CBX3: variants seen among roughly 807,000 people sequenced by gnomAD.
CBX3 encodes chromobox 3.
CBX3 carries 5 observed loss-of-function variants against 22.6 expected under a neutral mutation model. The ratio of observed to expected loss-of-function variants is 0.22; its 90% confidence interval spans 0.12 to 0.47. The LOEUF (loss-of-function observed/expected upper bound fraction) is 0.47. Among genes scored for constraint, CBX3 ranks in the 20% least tolerant of loss-of-function variants. The pLI, the probability that CBX3 is intolerant of heterozygous loss-of-function variation, is 0.99. For missense variants in CBX3, 83 were observed against 208.1 expected (o/e 0.40, Z 3.70); for synonymous variants, 50 against 66.6 (o/e 0.75, Z 1.21).
chr7:26,211,894 T>A, intron 5 of CBX3, 138 bp downstream of exon 5: 1 of 866,572 alleles, frequency 1.2e-6, no homozygotes, highest in Non-Finnish European at 1.7e-6. Context: ...AGTAGTGTTT[T>A]AAAGCAAGGG....
In CBX3 at chr7:26,213,068, A is replaced by C. The variant is rs1187648416; in HGVS notation, c.*860A>C. ...GGTCATGATGAATGGAATATGTAAG[A>C]CTTGGCTCATAGAAACCTAATCAGA... On this transcript the variant is annotated 3_prime_UTR_variant, in exon 6 of 6. Transcript: ENST00000396386. 6.6e-6 allele frequency: 1 copy of C among 152,358 alleles called. No individual in the cohort carries two copies. The highest frequency in any genetic ancestry group is 1.5e-5 in the Non-Finnish European group (1 of 68,062). The allele number at this position is 152,358 out of a possible 1,614,324, so 9.4% of individuals were successfully genotyped here.
At chr7:26,209,191 A>T (rs1784750657) in intron 4 of CBX3, among the ~76,000 whole-genome samples, 1 of 151,972 alleles carries the variant, frequency 6.6e-6, no homozygotes, top group Non-Finnish European at 1.5e-5. Context: ...ACAGGCGTGA[A>T]CCACCACACC....
Position 26,212,064 on chromosome 7 carries a change from T to C in CBX3, c.426-18T>C. 7.1e-7 allele frequency: 1 copy of C among 1,410,964 alleles called. No individual in the cohort carries two copies. The allele number at this position is 1,410,964 out of a possible 1,614,324, so 87.4% of individuals were successfully genotyped here. On this transcript the variant is annotated intron_variant, in intron 5 of 5. Transcript: ENST00000396386. ...ACAACTTCGACTTGTAACTGAATTT[T>C]TCTTTTTCTTAAAACAGGAAAGATT...
chr7:26,203,865 C>T (rs1319555955), intron 2 of CBX3, among the ~76,000 whole-genome samples: 1 of 152,124 alleles, frequency 6.6e-6, no homozygotes, highest in Non-Finnish European at 1.5e-5. Flanking sequence ...TTAGATTCTG[C>T]ATTAAGTCTG....
chr7:26,202,789 G>T (rs1584033376), intron 1 of CBX3, 182 bp from the exon 2 acceptor site: 1 of 589,372 alleles, frequency 1.7e-6, no homozygotes, highest in South Asian at 2.1e-5. Context: ...GACTCACATG[G>T]TTAGGACACG....
chr7:26,211,781 T>G, intron 5 of CBX3, 25 bp downstream of exon 5: 1 of 1,506,038 alleles, frequency 6.6e-7, no homozygotes, highest in Non-Finnish European at 9.0e-7. Context: ...ATTGTTACAT[T>G]TGAAAGTAAG....
At chr7:26,204,985 C>T (rs1198986368) in intron 2 of CBX3, among the ~76,000 whole-genome samples, 1 of 152,088 alleles carries the variant, frequency 6.6e-6, no homozygotes, top group Non-Finnish European at 1.5e-5. Context: ...AACGGGGTTT[C>T]TCCATGTTGG....
intron 4 of CBX3, among the ~76,000 whole-genome samples, chr7:26,211,253 T>A (rs1415418134): frequency 6.6e-6 from 1 of 152,208 alleles, no homozygotes; most frequent in African/African-American, 2.4e-5. Flanking sequence ...TTTTTAATAT[T>A]TCTTACCGTT....
chr7:26,212,933 G>C lies in CBX3; in HGVS notation c.*725G>C, dbSNP rs1016594589. 1 of 152,290 alleles carries C rather than the reference G, an allele frequency of 6.6e-6. No homozygotes were observed. Among genetic ancestry groups the C allele is most frequent in the Non-Finnish European group, 1.5e-5 (1 of 68,052 alleles). The allele number at this position is 152,290 out of a possible 1,614,324, so 9.4% of individuals were successfully genotyped here. On this transcript the variant is annotated 3_prime_UTR_variant, in exon 6 of 6. Transcript: ENST00000396386. ...AGATGAGGAAACTAGACAAATGCTAGTGTGTTTTAACTAGCTAAACAAAAC... is the reference window on the plus strand; with the variant it reads ...AGATGAGGAAACTAGACAAATGCTACTGTGTTTTAACTAGCTAAACAAAAC...
chr7:26,211,591 T>G, intron 4 of CBX3, 71 bp from the exon 5 acceptor site: 2 of 948,436 alleles, frequency 2.1e-6, no homozygotes, highest in Non-Finnish European at 3.2e-6. Context: ...TGGAATGTTT[T>G]TATTTAAAAT....
chr7:26,207,213 A>G (rs528135378), intron 3 of CBX3, among the ~76,000 whole-genome samples: 1 of 152,154 alleles, frequency 6.6e-6, no homozygotes, highest in Non-Finnish European at 1.5e-5. Flanking sequence ...TAGTCGAATG[A>G]TTGGGCTTCA....
intron 2 of CBX3, among the ~76,000 whole-genome samples, chr7:26,205,867 C>T (rs1784664589): frequency 6.6e-6 from 1 of 152,234 alleles, no homozygotes; most frequent in Non-Finnish European, 1.5e-5. Context: ...TGGTGAATCA[C>T]TTCAGGTCAG....
In CBX3 at chr7:26,212,316, T is replaced by G; in HGVS notation, c.*108T>G. 3 of 700,116 alleles carry G rather than the reference T, an allele frequency of 4.3e-6. No homozygotes were observed. Among genetic ancestry groups the G allele is most frequent in the Non-Finnish European group, 5.7e-6 (3 of 523,804 alleles). 43.4% of individuals were successfully genotyped at this position (700,116 alleles called of 1,614,324 possible). On this transcript the variant is annotated 3_prime_UTR_variant, in exon 6 of 6. Transcript: ENST00000396386. ...TAACTACATCCTAATGAAAATCAAGTTTGATATGTTTGTTTTGAAAGTAGC... is the reference window on the plus strand; with the variant it reads ...TAACTACATCCTAATGAAAATCAAGGTTGATATGTTTGTTTTGAAAGTAGC...
intron 4 of CBX3, among the ~76,000 whole-genome samples, chr7:26,209,615 ATAGT>A (rs987788098): frequency 4.6e-5 from 7 of 152,134 alleles, no homozygotes; most frequent in Non-Finnish European, 4.4e-5. Flanking sequence ...ATCTTTGATA[ATAGT>A]TAAACACTTT....
chr7:26,201,723 C>T (rs1217233230), upstream of CBX3: 1 of 96,942 alleles, frequency 1.0e-5, no homozygotes, highest in Admixed American at 1.1e-4. Context: ...CGGCCCCGCG[C>T]GCAGCTCCCG....
At chr7:26,203,731 A>C (rs1212941250) in intron 2 of CBX3, among the ~76,000 whole-genome samples, 1 of 152,178 alleles carries the variant, frequency 6.6e-6, no homozygotes, top group East Asian at 1.9e-4. Context: ...ATTAATCTTA[A>C]ACACGTAAAG....
At chr7:26,211,886 T>C in intron 5 of CBX3, 130 bp downstream of exon 5, 1 of 860,180 alleles carries the variant, frequency 1.2e-6, no homozygotes, top group Non-Finnish European at 1.8e-6. Context: ...CTTTTACTAG[T>C]AGTGTTTTAA....
chr7:26,208,182 A>G, intron 3 of CBX3: 1 of 383,822 alleles, frequency 2.6e-6, no homozygotes, highest in Non-Finnish European at 4.9e-6. Flanking sequence ...TGATTCCACT[A>G]CTGCACTCTC....
rs762146098 is a variant in CBX3, at chr7:26,208,487, G to T, written c.262G>T (p.Gly88Cys). Residue 88 changes from glycine (G) to cysteine (C), a missense_variant, in exon 4 of 6, where the codon GGT becomes TGT. This residue lies in a region of CBX3 where 59 missense variants were observed against 155.0 expected (regional missense o/e 0.38). Coordinates refer to ENST00000396386, the MANE Select transcript of CBX3 (RefSeq NM_016587.4). ...TCAGAAAGCTGGCAAAGAAAAAGAT[G>T]GTACAAAAAGAAAATCTTTATCTGA... ...NSQKAGKEKD[G>C]TKRKSLSDSE... The T allele has an allele frequency of 1.9e-6, 3 of 1,613,580 alleles. No homozygotes were observed. The East Asian group carries it at 6.7e-5, about 36-fold the overall frequency.
Sources: gnomAD v4.1 joint callset for allele counts (sites outside exome capture counted in the v4.1 genomes callset) on GRCh38, gnomAD v4.1.1 for gene constraint, gnomAD v4.1.1 regional missense constraint, MANE v1.5 for transcripts, NCBI Gene and HGNC (gene_info 2026-07-23, HGNC 2026-07-21) for gene names.